DGKB: variants seen among roughly 807,000 people sequenced by gnomAD.
The protein encoded by DGKB is diacylglycerol kinase beta, also known as 90 kDa diacylglycerol kinase.
In DGKB, 67 loss-of-function variants were observed where a neutral mutation model predicts 114.3. The ratio of observed to expected loss-of-function variants is 0.59; its 90% CI spans 0.48 to 0.72. The LOEUF is 0.72. DGKB is among the 30% of genes least tolerant of loss of function. The pLI is 0.00. For missense variants in DGKB, 907 were observed against 975.2 expected, an observed-to-expected ratio of 0.93 and a Z score of 0.93; for synonymous variants, 398 against 323.1, an observed-to-expected ratio of 1.23 and a Z score of -2.49.
intron 2 of DGKB, among the ~76,000 whole-genome samples, chr7:14,813,956 T>G (rs1843753291): frequency 6.6e-6 from 1 of 152,212 alleles, no homozygotes; most frequent in Admixed American, 6.5e-5. Context: ...AACAAATATT[T>G]ACAATGCATT....
intron 1 of DGKB, among the ~76,000 whole-genome samples, chr7:14,864,270 C>G (rs1420413731): frequency 6.6e-6 from 1 of 152,008 alleles, no homozygotes. Flanking sequence ...ACTTAAATAG[C>G]AGAATCTATG....
chr7:14,264,592 T>G lies in DGKB; in HGVS notation c.2122+73923A>C, dbSNP rs114033098. On this transcript the variant is annotated intron_variant, in intron 23 of 25. Transcript: ENST00000402815. The stretch of plus-strand genomic sequence containing the variant: ...CAAGCAACTTCTATTTTTGCAATTT[T>G]TAGATCTATGAGTTGCCATATAAGA... Among the ~76,000 whole-genome samples, 610 of 152,308 alleles carry G rather than the reference T, an allele frequency of 4.0e-3. 4 individuals carry two copies. Among genetic ancestry groups the G allele is most frequent in the African/African-American group, 0.014 (586 of 41,566 alleles).
At chr7:14,369,874 G>A (rs1817342817) in intron 21 of DGKB, among the ~76,000 whole-genome samples, 1 of 151,458 alleles carries the variant, frequency 6.6e-6, no homozygotes, top group Non-Finnish European at 1.5e-5. Context: ...GTAAAATTAT[G>A]TAAATGCACA....
chr7:14,303,444 T>A (rs1187694484), intron 23 of DGKB, among the ~76,000 whole-genome samples: 2 of 152,146 alleles, frequency 1.3e-5, no homozygotes, highest in African/African-American at 2.4e-5. Flanking sequence ...GTTTTTGTTA[T>A]TATTGGTCCT....
intron 16 of DGKB, among the ~76,000 whole-genome samples, chr7:14,607,842 T>C (rs1013258077): frequency 3.2e-5 from 2 of 63,054 alleles, no homozygotes; most frequent in Admixed American, 2.4e-4. Flanking sequence ...AATAAATGTA[T>C]TTTTTTAATA....
At chr7:14,906,436 C>A (rs28575889), upstream of DGKB, among the ~76,000 whole-genome samples, 1 of 132,578 alleles carries the variant, frequency 7.5e-6, no homozygotes, top group East Asian at 2.3e-4. Flanking sequence ...TATCTTTTTT[C>A]TTTTTTCTGT....
intron 14 of DGKB, among the ~76,000 whole-genome samples, chr7:14,627,146 T>C (rs143017193): frequency 1.1e-4 from 16 of 152,340 alleles, no homozygotes; most frequent in South Asian, 4.1e-4. Flanking sequence ...TGCTTGGTCA[T>C]AGCAGTAAAA....
chr7:14,392,995 G>GTTTTTGTTTTTTTTTTTTTGTT, intron 21 of DGKB, among the ~76,000 whole-genome samples: 3 of 60,546 alleles, frequency 5.0e-5, no homozygotes, highest in African/African-American at 9.7e-5. Context: ...TTTTGTTTTT[G>GTTTTTGTTTTTTTTTTTTTGTT]TTTTTTTTTT....
intron 5 of DGKB, among the ~76,000 whole-genome samples, chr7:14,725,694 C>T (rs1261102600): frequency 6.6e-6 from 1 of 151,944 alleles, no homozygotes; most frequent in Non-Finnish European, 1.5e-5. Context: ...TTACAGGTGT[C>T]AGCCACCACA....
intron 20 of DGKB, among the ~76,000 whole-genome samples, chr7:14,570,800 C>T (rs73057484): frequency 0.092 from 13,940 of 151,622 alleles, 905 homozygotes; most frequent in East Asian, 0.32. Flanking sequence ...AAAGGGGAGG[C>T]AAATTACACT....
chr7:14,393,234 C>T (rs1821686320), intron 21 of DGKB, among the ~76,000 whole-genome samples: 1 of 151,630 alleles, frequency 6.6e-6, no homozygotes, highest in African/African-American at 2.4e-5. Flanking sequence ...CGTGATCCGC[C>T]CGCCTCGGCC....
chr7:14,479,006 C>G (rs1309218632), intron 20 of DGKB, among the ~76,000 whole-genome samples: 1 of 152,056 alleles, frequency 6.6e-6, no homozygotes, highest in Admixed American at 6.6e-5. Context: ...TTTTCAAGCA[C>G]GGACTGCTCC....
intron 20 of DGKB, among the ~76,000 whole-genome samples, chr7:14,558,977 T>C (rs1393348968): frequency 6.6e-6 from 1 of 152,180 alleles, no homozygotes; most frequent in African/African-American, 2.4e-5. Context: ...GTTGAAGCAA[T>C]TGAACAAAGC....
At chr7:14,764,042 C>T in intron 2 of DGKB, among the ~76,000 whole-genome samples, 1 of 151,902 alleles carries the variant, frequency 6.6e-6, no homozygotes, top group East Asian at 1.9e-4. Context: ...AGCCTCCCCA[C>T]ATAGCTTTTT....
intron 13 of DGKB, among the ~76,000 whole-genome samples, chr7:14,660,341 C>A (rs1190800435): frequency 6.6e-5 from 10 of 151,628 alleles, no homozygotes; most frequent in Non-Finnish European, 1.3e-4. Flanking sequence ...TGGTAGAATT[C>A]GGCTGTGAAT....
At chr7:14,857,905 A>T (rs577954257) in intron 1 of DGKB, among the ~76,000 whole-genome samples, 1 of 152,286 alleles carries the variant, frequency 6.6e-6, no homozygotes, top group South Asian at 2.1e-4. Context: ...TATCTCAGTT[A>T]AGAAACATGA....
At chr7:14,357,765 T>A (rs920348580) in intron 21 of DGKB, among the ~76,000 whole-genome samples, 14 of 152,196 alleles carry the variant, frequency 9.2e-5, no homozygotes, top group African/African-American at 3.4e-4. Flanking sequence ...TAGTGCTTCC[T>A]TCAGGAACTC....
chr7:14,327,443 G>A (rs1265852555), intron 23 of DGKB, among the ~76,000 whole-genome samples: 1 of 151,934 alleles, frequency 6.6e-6, no homozygotes, highest in African/African-American at 2.4e-5. Flanking sequence ...ACAAATAATT[G>A]AAAATAATAT....
chr7:14,839,697 C>G (rs1038906031), intron 2 of DGKB, among the ~76,000 whole-genome samples: 1 of 151,658 alleles, frequency 6.6e-6, no homozygotes, highest in Non-Finnish European at 1.5e-5. Context: ...ATGATAAATG[C>G]ATATATTGTA....
Sources: allele counts gnomAD v4.1 joint callset (sites outside exome capture counted in the v4.1 genomes callset), GRCh38; gene constraint gnomAD v4.1.1; transcripts MANE v1.5; gene names NCBI Gene and HGNC (gene_info 2026-07-23, HGNC 2026-07-21).